The following CDH4 variants were observed in gnomAD, a reference collection of about 807,000 sequenced individuals.
CDH4 encodes the protein cadherin-4.
In CDH4, 33 loss-of-function variants were observed where a neutral mutation model predicts 86.0. The ratio of observed to expected loss-of-function variants is 0.38; its 90% CI spans 0.29 to 0.51. The LOEUF is 0.51. Ranked by LOEUF, CDH4 falls within the 20% of genes least tolerant of loss-of-function variation. The probability of loss-of-function intolerance (pLI) is 0.86; values close to 1 mark genes in which losing one functional copy is unlikely to be tolerated. For synonymous variants in CDH4, 555 were observed against 549.4 expected, an observed-to-expected ratio of 1.01 and a Z score of -0.14; for missense variants, 1,114 against 1,307.4, an observed-to-expected ratio of 0.85 and a Z score of 2.28.
intron 2 of CDH4, among the ~76,000 whole-genome samples, chr20:61,564,763 G>T (rs1194402933): frequency 6.6e-6 from 1 of 152,172 alleles, no homozygotes; most frequent in African/African-American, 2.4e-5. Context: ...ACACGAGCTG[G>T]GATCGGGAAG....
chr20:61,713,598 C>T (rs759125375), intron 2 of CDH4, among the ~76,000 whole-genome samples: 24 of 152,180 alleles, frequency 1.6e-4, no homozygotes, highest in Non-Finnish European at 2.9e-4. Flanking sequence ...GTGTGAGGGG[C>T]CAAAGACTCC....
intron 11 of CDH4, 85 bp downstream of exon 11, chr20:61,924,561 A>T (rs2055024253): frequency 2.8e-6 from 4 of 1,453,008 alleles, no homozygotes; most frequent in Non-Finnish European, 2.8e-6. Context: ...CTGGCCAGGG[A>T]GACCCCGAGA....
intron 2 of CDH4, among the ~76,000 whole-genome samples, chr20:61,529,644 G>A (rs2085937437): frequency 6.6e-6 from 1 of 152,186 alleles, no homozygotes; most frequent in South Asian, 2.1e-4. Context: ...ATACGTTTCT[G>A]TTGAAACATG....
At chr20:61,322,411 T>G (rs1256028177) in intron 2 of CDH4, among the ~76,000 whole-genome samples, 1 of 152,178 alleles carries the variant, frequency 6.6e-6, no homozygotes, top group Non-Finnish European at 1.5e-5. Flanking sequence ...AGCGGAGACC[T>G]GGCTCCTGCA....
rs1347970829 is a variant in CDH4, at chr20:61,549,541, T to C, written c.170-194022T>C. Among the ~76,000 whole-genome samples, 3 of 152,240 alleles carry C rather than the reference T, an allele frequency of 2.0e-5. No individual in the cohort carries two copies. In the East Asian group the frequency reaches 5.8e-4, roughly 29 times the overall value. Reference sequence around the variant, plus strand: ...CTCTGGCCATGGTTTGCTTGCTTTGTGTACAAAGTTTTCAGTCCAGATGCT... The same window carrying C: ...CTCTGGCCATGGTTTGCTTGCTTTGCGTACAAAGTTTTCAGTCCAGATGCT... On this transcript the variant is annotated intron_variant, in intron 2 of 15. Coordinates refer to ENST00000614565, the MANE Select transcript of CDH4 (RefSeq NM_001794.5).
chr20:61,907,094 C>A (rs2054798049), intron 8 of CDH4, among the ~76,000 whole-genome samples: 1 of 151,998 alleles, frequency 6.6e-6, no homozygotes, highest in Admixed American at 6.5e-5. Flanking sequence ...GGAGATGGTC[C>A]AAGCAGGGAG....
chr20:61,568,673 C>T (rs1203409113), intron 2 of CDH4, among the ~76,000 whole-genome samples: 1 of 152,230 alleles, frequency 6.6e-6, no homozygotes, highest in Non-Finnish European at 1.5e-5. Context: ...CTGCCCAGAA[C>T]ATGCTTCCCC....
intron 7 of CDH4, among the ~76,000 whole-genome samples, chr20:61,876,838 G>A (rs1984046914): frequency 6.6e-6 from 1 of 152,190 alleles, no homozygotes; most frequent in Admixed American, 6.5e-5. Context: ...ACTGCCGGGT[G>A]GAGGGCTGGG....
chr20:61,839,526 GTGTT>G (rs1169715534), intron 4 of CDH4, among the ~76,000 whole-genome samples: 1 of 115,352 alleles, frequency 8.7e-6, no homozygotes, highest in Non-Finnish European at 2.3e-5. Flanking sequence ...GTGTGTATGT[GTGTT>G]TGTGTATGTG....
At chr20:61,928,050 G>A (rs2055063937) in intron 11 of CDH4, 140 bp from the exon 12 acceptor site, 2 of 737,822 alleles carry the variant, frequency 2.7e-6, no homozygotes, top group Non-Finnish European at 4.8e-6. Context: ...GAGATGGCCG[G>A]CCGTGTCCGG....
intron 2 of CDH4, among the ~76,000 whole-genome samples, chr20:61,481,707 A>G (rs2427127): frequency 0.41 from 61,797 of 152,110 alleles, 13,105 homozygotes; most frequent in Admixed American, 0.51. Flanking sequence ...CACACACGGT[A>G]TGGATACAAA....
At chr20:61,729,843 A>G (rs6089268) in intron 2 of CDH4, among the ~76,000 whole-genome samples, 77,704 of 152,090 alleles carry the variant, frequency 0.51, 20,280 homozygotes, top group South Asian at 0.68. Flanking sequence ...GGGAGACGCA[A>G]GTTTAATATT....
chr20:61,495,988 C>T (rs1487838862), intron 2 of CDH4, among the ~76,000 whole-genome samples: 1 of 151,520 alleles, frequency 6.6e-6, no homozygotes, highest in Admixed American at 6.6e-5. Context: ...AGGTGCCGTG[C>T]CATGCAAGGG....
intron 2 of CDH4, among the ~76,000 whole-genome samples, chr20:61,500,586 C>G (rs1430001252): frequency 6.6e-6 from 1 of 152,228 alleles, no homozygotes; most frequent in African/African-American, 2.4e-5. Context: ...TGTCTGCATT[C>G]TGCAATGTGT....
intron 2 of CDH4, among the ~76,000 whole-genome samples, chr20:61,463,663 G>A (rs1297851445): frequency 6.6e-6 from 1 of 152,208 alleles, no homozygotes; most frequent in African/African-American, 2.4e-5. Flanking sequence ...TCCTATGTAA[G>A]CCACAGCACC....
At position 61,940,149 on chromosome 20, in the gene CDH4, C is replaced by T. The variant is rs2055246293; in HGVS notation, c.*3206C>T. The T allele has an allele frequency of 1.3e-5, 2 of 152,206 alleles. No individual in the cohort carries two copies. The highest frequency in any genetic ancestry group is 2.1e-4 in the South Asian group (1 of 4,832). 9.4% of individuals were successfully genotyped at this position (152,206 alleles called of 1,614,324 possible). On this transcript the variant is annotated 3_prime_UTR_variant, in exon 16 of 16. Coordinates refer to ENST00000614565, the MANE Select transcript of CDH4 (RefSeq NM_001794.5). ...ACACACGTGACCCAGCTCGTGGCGC[C>T]GTGGGTCCGTAGGAGGGACAGTACC...
Position 61,377,515 on chromosome 20 carries a change from C to T in CDH4, c.169+122578C>T, listed in dbSNP as rs1450208697. ...CATGTGCACTTGTATAAAGAGGAGGCTGTGGTTACGGTGACCTTCAAATGT... is the reference window on the plus strand; with the variant it reads ...CATGTGCACTTGTATAAAGAGGAGGTTGTGGTTACGGTGACCTTCAAATGT... On this transcript the variant is annotated intron_variant, in intron 2 of 15. Coordinates refer to ENST00000614565, the MANE Select transcript of CDH4 (RefSeq NM_001794.5). The surrounding 1 kb of genome is among the most constrained non-coding windows in gnomAD (Gnocchi z 4.0). 6.6e-6 allele frequency among the ~76,000 whole-genome samples: 1 copy of T among 152,208 alleles called. No homozygotes were observed. Among genetic ancestry groups the T allele is most frequent in the Non-Finnish European group, 1.5e-5 (1 of 68,040 alleles).
intron 7 of CDH4, among the ~76,000 whole-genome samples, chr20:61,884,757 C>T (rs530735072): frequency 6.6e-6 from 1 of 152,186 alleles, no homozygotes; most frequent in African/African-American, 2.4e-5. Context: ...ATGTGCCACC[C>T]AGGCAGCACC....
Position 61,676,357 on chromosome 20 carries a change from G to T in CDH4, c.170-67206G>T, listed in dbSNP as rs1169498201. On this transcript the variant is annotated intron_variant, in intron 2 of 15. Transcript: ENST00000614565. This position sits in a 1 kb window ranked among gnomAD's most constrained non-coding sequence, Gnocchi z 4.5. Reference sequence around the variant, plus strand: ...CCCCAGAGGAGGTGGGATTGCATTAGCACCTTCTTTCCATTCCAATTTGGA... The same window carrying T: ...CCCCAGAGGAGGTGGGATTGCATTATCACCTTCTTTCCATTCCAATTTGGA... Among the ~76,000 whole-genome samples the T allele has an allele frequency of 1.3e-5, 2 of 152,216 alleles. No individual in the cohort carries two copies. The highest frequency in any genetic ancestry group is 6.5e-5 in the Admixed American group (1 of 15,290).
Sources: allele counts gnomAD v4.1 joint callset (sites outside exome capture counted in the v4.1 genomes callset), GRCh38; gene constraint gnomAD v4.1.1; non-coding constraint Gnocchi (gnomAD v3.1); transcripts MANE v1.5; gene names NCBI Gene and HGNC (gene_info 2026-07-23, HGNC 2026-07-21).